POU2AF1: variants seen among roughly 807,000 people sequenced by gnomAD.
The protein encoded by POU2AF1 is POU domain class 2-associating factor 1.
POU2AF1 carries 12 observed loss-of-function variants against 26.3 expected under a neutral mutation model. The ratio of observed to expected loss-of-function variants is 0.46; its 90% CI spans 0.29 to 0.74. POU2AF1 has a LOEUF of 0.74. Ranked by LOEUF, POU2AF1 falls within the 30% of genes least tolerant of loss-of-function variation. The pLI is 0.09. For synonymous variants in POU2AF1, 175 were observed against 148.0 expected (o/e 1.18, Z -1.32); for missense variants, 297 against 334.5 (o/e 0.89, Z 0.87).
At chr11:111,359,941 G>A (rs767333309) in intron 1 of POU2AF1, 10 of 518,842 alleles carry the variant, frequency 1.9e-5, no homozygotes, top group African/African-American at 1.9e-4. Flanking sequence ...GGTTCTCAGT[G>A]ACTTTCAGGG....
At chr11:111,378,778 C>G (rs1462862737) in intron 1 of POU2AF1, among the ~76,000 whole-genome samples, 3 of 152,342 alleles carry the variant, frequency 2.0e-5, no homozygotes, top group East Asian at 1.9e-4. Flanking sequence ...AATAAAGCCC[C>G]TCCTGTAAAG....
intron 1 of POU2AF1, among the ~76,000 whole-genome samples, chr11:111,372,029 T>TACACACACACAC (rs374971894): frequency 2.5e-5 from 3 of 121,042 alleles, no homozygotes; most frequent in Non-Finnish European, 5.4e-5. Context: ...CACACACAAA[T>TACACACACACAC]ACACACACAC....
At chr11:111,357,406 C>G (rs1210961187) in intron 4 of POU2AF1, 39 bp downstream of exon 4, 2 of 1,613,082 alleles carry the variant, frequency 1.2e-6, no homozygotes, top group Non-Finnish European at 1.7e-6. Context: ...AGGGTGCACT[C>G]AGCATGGGCG....
intron 1 of POU2AF1, among the ~76,000 whole-genome samples, chr11:111,369,076 T>C (rs531235873): frequency 3.9e-5 from 6 of 152,320 alleles, no homozygotes; most frequent in African/African-American, 1.4e-4. Flanking sequence ...ATTATGCTCC[T>C]GGAATTAATC....
At chr11:111,364,510 G>A (rs1861068227) in intron 1 of POU2AF1, among the ~76,000 whole-genome samples, 4 of 152,160 alleles carry the variant, frequency 2.6e-5, no homozygotes, top group Admixed American at 2.6e-4. Flanking sequence ...AACACCTAGG[G>A]CCTGGTCAAT....
chr11:111,353,058 GAAAC>G lies in POU2AF1; in HGVS notation c.*1199_*1202del, dbSNP rs1328935572. On this transcript the variant is annotated 3_prime_UTR_variant, in exon 5 of 5. Transcript: ENST00000393067. ...GGAAGGAAGGAAGGAAGGAAGGAAA[GAAAC>G]AAAACCCACATGGTAGCACTAAGCC... 6 of 209,792 alleles carry G rather than the reference GAAAC, an allele frequency of 2.9e-5. No individual in the cohort carries two copies. Among genetic ancestry groups the G allele is most frequent in the Middle Eastern group, 3.1e-3 (2 of 654 alleles). 13.0% of individuals were successfully genotyped at this position (209,792 alleles called of 1,614,324 possible).
chr11:111,353,910 AAAG>A lies in POU2AF1; in HGVS notation c.*348_*350del. The A allele has an allele frequency of 3.5e-6, 1 of 289,748 alleles. No individual in the cohort carries two copies. Among genetic ancestry groups the A allele is most frequent in the South Asian group, 7.0e-5 (1 of 14,310 alleles). 17.9% of individuals were successfully genotyped at this position (289,748 alleles called of 1,614,324 possible). ...GAAGAAGCGAGGGAGGGAGGGAGGTAAAGAAGGAAAGGGAGAAGGGAAGGAGGG... is the reference window on the plus strand; with the variant it reads ...GAAGAAGCGAGGGAGGGAGGGAGGTAAAGGAAAGGGAGAAGGGAAGGAGGG... On this transcript the variant is annotated 3_prime_UTR_variant, in exon 5 of 5. Coordinates refer to ENST00000393067, the MANE Select transcript of POU2AF1 (RefSeq NM_006235.3).
At chr11:111,375,580 T>C (rs917921488) in intron 1 of POU2AF1, among the ~76,000 whole-genome samples, 4 of 151,882 alleles carry the variant, frequency 2.6e-5, no homozygotes, top group Non-Finnish European at 5.9e-5. Flanking sequence ...TTTGTATTTT[T>C]AGTAGAGACG....
chr11:111,358,432 ACACTCACTCT>A (rs1565360829), intron 2 of POU2AF1, among the ~76,000 whole-genome samples: 1 of 94,556 alleles, frequency 1.1e-5, no homozygotes, highest in African/African-American at 3.8e-5. Flanking sequence ...TCACACTCTC[ACACTCACTCT>A]CACACACACA....
At chr11:111,358,650 T>A (rs1021124633) in intron 2 of POU2AF1, 138 bp downstream of exon 2, 2 of 1,091,638 alleles carry the variant, frequency 1.8e-6, no homozygotes, top group African/African-American at 1.6e-5. Flanking sequence ...TATCACACTC[T>A]CACACACTCT....
At chr11:111,372,069 C>CACACAG (rs1555076835) in intron 1 of POU2AF1, among the ~76,000 whole-genome samples, 22 of 144,346 alleles carry the variant, frequency 1.5e-4, no homozygotes, top group East Asian at 6.2e-4. Flanking sequence ...CACACACACA[C>CACACAG]AGAGAGAGAG....
rs540374017 is a variant in POU2AF1 at position 111,368,389 on chromosome 11, T to C, written c.17-9471A>G. Among the ~76,000 whole-genome samples, 13 of 152,102 alleles carry C rather than the reference T, an allele frequency of 8.5e-5. No homozygotes were observed. In the South Asian group the frequency reaches 2.7e-3, roughly 32 times the overall value. On this transcript the variant is annotated intron_variant, in intron 1 of 4. Coordinates refer to ENST00000393067, the MANE Select transcript of POU2AF1 (RefSeq NM_006235.3). ...CTCTAAGTGGCAGGTCCTGAGTGAA[T>C]CCTAAGGGTGTGTCACTAGCTGGTC...
At position 111,352,993 on chromosome 11, in the gene POU2AF1, AGAAGGAAGGAAGGAAGGAAG is replaced by A. The variant is rs1193388265; in HGVS notation, c.*1248_*1267del. ...AGGAAGGAAGGAAGGAAGGAAGGAA[AGAAGGAAGGAAGGAAGGAAG>A]GAAGGAAGGAAGGAAGGAAGGAAGG... On this transcript the variant is annotated 3_prime_UTR_variant, in exon 5 of 5. Coordinates refer to ENST00000393067, the MANE Select transcript of POU2AF1 (RefSeq NM_006235.3). 7.3e-4 allele frequency: 53 copies of A among 72,828 alleles called. 1 individual carries two copies. Among genetic ancestry groups the A allele is most frequent in the South Asian group, 3.5e-3 (6 of 1,712 alleles). The allele number at this position is 72,828 out of a possible 1,614,324, so 4.5% of individuals were successfully genotyped here. A position where few individuals can be genotyped will look rare whatever the true frequency, so the allele number is the denominator to read the frequency against.
intron 2 of POU2AF1, among the ~76,000 whole-genome samples, chr11:111,358,418 A>ACT: frequency 2.7e-5 from 2 of 74,014 alleles, no homozygotes; most frequent in East Asian, 5.7e-4. Flanking sequence ...TCTCACACAC[A>ACT]CGCTCACACT....
intron 1 of POU2AF1, among the ~76,000 whole-genome samples, chr11:111,372,057 C>CAGAGAGAGAGAGAGAGAG (rs1268779151): frequency 2.1e-5 from 3 of 143,174 alleles, no homozygotes; most frequent in African/African-American, 8.2e-5. Context: ...CACACACACA[C>CAGAGAGAGAGAGAGAGAG]ACACACACAC....
intron 1 of POU2AF1, among the ~76,000 whole-genome samples, chr11:111,371,557 A>G (rs981989241): frequency 2.6e-5 from 4 of 152,204 alleles, no homozygotes; most frequent in Admixed American, 1.3e-4. Context: ...AGAAGTAACC[A>G]TGATCACTAA....
intron 1 of POU2AF1, among the ~76,000 whole-genome samples, chr11:111,376,323 G>C (rs1399026096): frequency 6.6e-6 from 1 of 152,190 alleles, no homozygotes; most frequent in Admixed American, 6.5e-5. Context: ...CTCCCTCCAA[G>C]GTTCCTGCTA....
rs1036462092 is a variant in POU2AF1 at position 111,363,889 on chromosome 11, T to A, written c.17-4971A>T. ...TCTCCCGTAGGTATCCAAGAGTCCA[T>A]CACGGAGGAAAATCTTTCCACCTTA... On this transcript the variant is annotated intron_variant, in intron 1 of 4. Coordinates refer to ENST00000393067, the MANE Select transcript of POU2AF1 (RefSeq NM_006235.3). 4 of 985,260 alleles carry A rather than the reference T, an allele frequency of 4.1e-6. No individual in the cohort carries two copies. The African/African-American group carries it at 5.2e-5, about 13-fold the overall frequency. 61.0% of individuals were successfully genotyped at this position (985,260 alleles called of 1,614,324 possible).
intron 1 of POU2AF1, among the ~76,000 whole-genome samples, chr11:111,378,047 A>T (rs567938734): frequency 8.1e-4 from 123 of 152,366 alleles, no homozygotes; most frequent in African/African-American, 3.0e-3. Flanking sequence ...CTGGTTAATC[A>T]GCTTAATTCC....
Sources: allele counts gnomAD v4.1 joint callset (sites outside exome capture counted in the v4.1 genomes callset), GRCh38; gene constraint gnomAD v4.1.1; transcripts MANE v1.5; gene names NCBI Gene and HGNC (gene_info 2026-07-23, HGNC 2026-07-21).